LIG1: variants seen among roughly 807,000 people sequenced by gnomAD.
The protein encoded by LIG1 is DNA ligase 1, also known as ligase I, DNA, ATP-dependent.
A neutral mutation model predicts 115.7 loss-of-function variants in LIG1; 70 were observed. The observed-to-expected ratio is 0.60, with a 90% CI of 0.50 to 0.74. The LOEUF is 0.74. LIG1 is among the 30% of genes least tolerant of loss of function. The probability of loss-of-function intolerance (pLI) is 0.00; values close to 1 mark genes in which losing one functional copy is unlikely to be tolerated. For synonymous variants in LIG1, 487 were observed against 495.3 expected (o/e 0.98, Z 0.22); for missense variants, 1,115 against 1,225.6 (o/e 0.91, Z 1.35).
rs1045222659 is a variant in LIG1 at position 48,128,153 on chromosome 19, G to A, written c.1822-133C>T. On this transcript the variant is annotated intron_variant, in intron 19 of 27. Coordinates refer to ENST00000263274, the MANE Select transcript of LIG1 (RefSeq NM_000234.3). ...ACTAACAAAGAGGCAGGTGCACACA[G>A]ATGCTTTTCTTTTATTCCCCACCAA... 5.5e-6 allele frequency: 4 copies of A among 729,946 alleles called. No individual in the cohort carries two copies. In the African/African-American group the frequency reaches 6.9e-5, roughly 13 times the overall value. 45.2% of individuals were successfully genotyped at this position (729,946 alleles called of 1,614,324 possible).
chr19:48,158,544 C>A (rs2035987700), intron 4 of LIG1, among the ~76,000 whole-genome samples: 1 of 152,242 alleles, frequency 6.6e-6, no homozygotes, highest in South Asian at 2.1e-4. Context: ...CAGCTCCAAA[C>A]CTGTCACTGT....
intron 4 of LIG1, chr19:48,161,080 T>G (rs2036148006): frequency 2.1e-6 from 1 of 468,856 alleles, no homozygotes; most frequent in East Asian, 4.3e-5. Context: ...CAGATCTGTA[T>G]GTAAATCGAC....
intron 20 of LIG1, 56 bp downstream of exon 20, chr19:48,127,854 G>T: frequency 7.1e-7 from 1 of 1,406,328 alleles, no homozygotes; most frequent in Non-Finnish European, 1.0e-6. Flanking sequence ...AGCCAGGACT[G>T]GGTGGAAGAT....
Position 48,149,643 on chromosome 19 carries a change from T to G in LIG1, c.776+120A>C, listed in dbSNP as rs532701795. The stretch of plus-strand genomic sequence containing the variant: ...CTAAAATATTTACTCTCTGGCTCTT[T>G]ATAGAAAAGGTTTGCCAAGTCCTGC... On this transcript the variant is annotated intron_variant, in intron 9 of 27. Coordinates refer to ENST00000263274, the MANE Select transcript of LIG1 (RefSeq NM_000234.3). 5 of 784,576 alleles carry G rather than the reference T, an allele frequency of 6.4e-6. No homozygotes were observed. The South Asian group carries it at 7.4e-5, about 12-fold the overall frequency. 48.6% of individuals were successfully genotyped at this position (784,576 alleles called of 1,614,324 possible). A position where few individuals can be genotyped will look rare whatever the true frequency, so the allele number is the denominator to read the frequency against.
At chr19:48,124,672 A>AT (rs1415765141) in intron 21 of LIG1, among the ~76,000 whole-genome samples, 3 of 152,204 alleles carry the variant, frequency 2.0e-5, no homozygotes, top group Non-Finnish European at 4.4e-5. Context: ...AGAAAATATG[A>AT]TTTTATCTGT....
At chr19:48,120,055 A>C (rs2033160155) in intron 24 of LIG1, 1 of 409,578 alleles carries the variant, frequency 2.4e-6, no homozygotes, top group Non-Finnish European at 3.3e-6. Flanking sequence ...AATCTATTCT[A>C]AATAATGCAA....
At position 48,119,210 on chromosome 19, in the gene LIG1, G is replaced by A; in HGVS notation, c.2386-20C>T. On this transcript the variant is annotated intron_variant, in intron 24 of 27. Transcript: ENST00000263274. ...TCCAAGCTGCAGGGAGGAAGCGGGA[G>A]GTCAGAGGCTCAGCCAGCCACAGGC... is the stretch of plus-strand genomic sequence containing the variant. 1 of 1,577,196 alleles carries A rather than the reference G, an allele frequency of 6.3e-7. No individual in the cohort carries two copies. The highest frequency in any genetic ancestry group is 2.4e-5 in the East Asian group (1 of 42,498).
At chr19:48,124,705 C>T (rs2033547154) in intron 21 of LIG1, among the ~76,000 whole-genome samples, 1 of 152,164 alleles carries the variant, frequency 6.6e-6, no homozygotes, top group South Asian at 2.1e-4. Flanking sequence ...TTTAATATGG[C>T]TACTAGAAGC....
chr19:48,165,709 G>GGA, intron 1 of LIG1, 86 bp from the exon 2 acceptor site: 1 of 785,404 alleles, frequency 1.3e-6, no homozygotes. Flanking sequence ...AAGAAAGAAA[G>GGA]AAAAAAAAAA....
Position 48,145,081 on chromosome 19 carries a change from T to C in LIG1, c.777-1118A>G, listed in dbSNP as rs1234611000. On this transcript the variant is annotated intron_variant, in intron 9 of 27. Transcript: ENST00000263274. ...AGCAACCATGCCCGACTGATCTTTG[T>C]AGAGATGGGGTTTTGCCGTGTTGCA... Among the ~76,000 whole-genome samples the C allele has an allele frequency of 2.0e-5, 3 of 152,338 alleles. No homozygotes were observed. In the East Asian group the frequency reaches 5.8e-4, roughly 29 times the overall value.
chr19:48,142,451 A>AAAAAAAAAAAAAAAAAAAAAAAAAC (rs1353351417), intron 11 of LIG1, among the ~76,000 whole-genome samples: 3 of 150,440 alleles, frequency 2.0e-5, no homozygotes, highest in Non-Finnish European at 4.4e-5. Context: ...TCAAAAAAAA[A>AAAAAAAAAAAAAAAAAAAAAAAAAC]AAAAAACAGA....
chr19:48,131,018 G>A, intron 19 of LIG1, 58 bp downstream of exon 19: 1 of 1,404,158 alleles, frequency 7.1e-7, no homozygotes, highest in East Asian at 2.3e-5. Context: ...TGGGCCTCAG[G>A]CCTTTGCACC....
Position 48,165,632 on chromosome 19 carries a change from G to A in LIG1, c.-57-9C>T. ...TCGTCTGTCAGCTGCTCCTGGAACA[G>A]AAATCCAAACACTTGTTGAGGTGAT... On this transcript the variant is annotated splice_polypyrimidine_tract_variant and intron_variant, in intron 1 of 27. Transcript: ENST00000263274. 6.2e-7 allele frequency: 1 copy of A among 1,610,086 alleles called. No homozygotes were observed. Among genetic ancestry groups the A allele is most frequent in the Non-Finnish European group, 8.5e-7 (1 of 1,177,378 alleles).
At chr19:48,131,591 T>G (rs541833538) in intron 18 of LIG1, among the ~76,000 whole-genome samples, 29 of 152,326 alleles carry the variant, frequency 1.9e-4, no homozygotes, top group Non-Finnish European at 3.8e-4. Flanking sequence ...CCCAAGGAGC[T>G]GGGATTACAG....
chr19:48,138,844 G>A (rs1015999816), intron 12 of LIG1, among the ~76,000 whole-genome samples: 5 of 152,202 alleles, frequency 3.3e-5, no homozygotes, highest in Admixed American at 3.3e-4. Flanking sequence ...GACCCCGTGT[G>A]TGCTGGGTCT....
At position 48,121,342 on chromosome 19, in the gene LIG1, G is replaced by C; in HGVS notation, c.2233-20C>G. 1 of 1,584,618 alleles carries C rather than the reference G, an allele frequency of 6.3e-7. No individual in the cohort carries two copies. Among genetic ancestry groups the C allele is most frequent in the Non-Finnish European group, 8.6e-7 (1 of 1,162,412 alleles). On this transcript the variant is annotated intron_variant, in intron 23 of 27. Transcript: ENST00000263274. ...CTTCAGCTGGGAGAAGGGGAGGCAA[G>C]AGATGAGAAGGGGGAGCGCCCAAGG... is the stretch of plus-strand genomic sequence containing the variant.
chr19:48,136,150 G>A (rs759536034), intron 14 of LIG1, 25 bp from the exon 15 acceptor site: 8 of 1,539,550 alleles, frequency 5.2e-6, no homozygotes, highest in Non-Finnish European at 7.0e-6. Flanking sequence ...GGCCAGGGAA[G>A]GGGGCTTGTC....
At chr19:48,130,111 C>T (rs1326747529) in intron 19 of LIG1, among the ~76,000 whole-genome samples, 2 of 152,206 alleles carry the variant, frequency 1.3e-5, no homozygotes, top group African/African-American at 2.4e-5. Context: ...ATTGGGGTGT[C>T]GGTTACTTGG....
intron 25 of LIG1, among the ~76,000 whole-genome samples, chr19:48,118,700 G>A (rs76566951): frequency 0.031 from 4,671 of 149,966 alleles, 113 homozygotes; most frequent in Non-Finnish European, 0.048. Context: ...CACCACGCCC[G>A]GCAAGTCTTG....
Sources: gnomAD v4.1 joint callset for allele counts (sites outside exome capture counted in the v4.1 genomes callset) on GRCh38, gnomAD v4.1.1 for gene constraint, MANE v1.5 for transcripts, NCBI Gene and HGNC (gene_info 2026-07-23, HGNC 2026-07-21) for gene names.